Variants in CIMAP2 observed in about 807,000 individuals in gnomAD.
The protein encoded by CIMAP2 is ciliary microtubule associated protein 2, also known as ciliary microtubule-associated protein 2.
At chr1:54,807,603 A>G in the CIMAP2 span, 26 of 1,609,254 alleles carry the variant, frequency 1.6e-5, no homozygotes, top group East Asian at 1.3e-4. Context: ...AGGTGGACAC[A>G]GGCTGGGCCA....
chr1:54,839,696 A>G, the CIMAP2 span, among the ~76,000 whole-genome samples: 1 of 151,318 alleles, frequency 6.6e-6, no homozygotes, highest in African/African-American at 2.4e-5. Flanking sequence ...AACTTATTAT[A>G]GCATAACTCA....
At chr1:54,811,765 G>GCGGGGGGGGGGGCGGGCCCCCC in the CIMAP2 span, 1 of 1,301,332 alleles carries the variant, frequency 7.7e-7, no homozygotes, top group Non-Finnish European at 1.1e-6. Context: ...GGTTCTGACA[G>GCGGGGGGGGGGGCGGGCCCCCC]CCTCCATGCC....
chr1:54,830,789 CG>C, the CIMAP2 span, among the ~76,000 whole-genome samples: 1 of 152,168 alleles, frequency 6.6e-6, no homozygotes, highest in Non-Finnish European at 1.5e-5. This position sits in a 1 kb window ranked among gnomAD's most constrained non-coding sequence, Gnocchi z 4.1. Context: ...CTTTTGGAGT[CG>C]GGGGATTCTT....
the CIMAP2 span, chr1:54,811,766 C>CCGGGGGGGGCG: frequency 2.3e-6 from 3 of 1,305,184 alleles, no homozygotes; most frequent in Non-Finnish European, 3.2e-6. Flanking sequence ...GTTCTGACAG[C>CCGGGGGGGGCG]CTCCATGCCC....
chr1:54,829,110 T>C, the CIMAP2 span, among the ~76,000 whole-genome samples: 1 of 152,242 alleles, frequency 6.6e-6, no homozygotes, highest in African/African-American at 2.4e-5. Flanking sequence ...TTCTTTCATA[T>C]TCTACCTTGT....
chr1:54,830,286 G>A, the CIMAP2 span, among the ~76,000 whole-genome samples: 7 of 152,004 alleles, frequency 4.6e-5, no homozygotes, highest in African/African-American at 1.7e-4. This position sits in a 1 kb window ranked among gnomAD's most constrained non-coding sequence, Gnocchi z 4.1. Flanking sequence ...GCAATGGCGC[G>A]ATCTCAGCTC....
the CIMAP2 span, among the ~76,000 whole-genome samples, chr1:54,836,469 T>C: frequency 6.6e-6 from 1 of 151,756 alleles, no homozygotes; most frequent in African/African-American, 2.4e-5. Context: ...TGCTCTTTGC[T>C]TGGGCTGGAG....
the CIMAP2 span, chr1:54,813,720 G>A: frequency 2.9e-6 from 4 of 1,358,034 alleles, no homozygotes; most frequent in Non-Finnish European, 4.0e-6. Flanking sequence ...AGTAAGTGAT[G>A]CCCCATTGCT....
chr1:54,837,565 C>T, the CIMAP2 span, among the ~76,000 whole-genome samples: 1 of 152,122 alleles, frequency 6.6e-6, no homozygotes, highest in Non-Finnish European at 1.5e-5. Flanking sequence ...GGGTGAGGCG[C>T]CTCTTCTTCA....
chr1:54,806,316 C>A, the CIMAP2 span: 1 of 1,242,516 alleles, frequency 8.0e-7, no homozygotes, highest in Non-Finnish European at 1.1e-6. Context: ...AGGGTGTCCA[C>A]CTACACACAG....
chr1:54,808,101 C>T, the CIMAP2 span: 2 of 1,386,042 alleles, frequency 1.4e-6, no homozygotes, highest in Admixed American at 2.6e-5. Flanking sequence ...TCCATCCAGC[C>T]AGCCAGCCAG....
the CIMAP2 span, among the ~76,000 whole-genome samples, chr1:54,810,866 G>C: frequency 6.6e-6 from 1 of 152,238 alleles, no homozygotes. Flanking sequence ...TGTCCACTCT[G>C]TGCCAGACAC....
the CIMAP2 span, among the ~76,000 whole-genome samples, chr1:54,811,316 C>T: frequency 6.6e-6 from 1 of 152,270 alleles, no homozygotes; most frequent in African/African-American, 2.4e-5. Context: ...AAGCAGGCAA[C>T]TGTCTCAGGT....
At chr1:54,821,886 C>CTTTTTTT in the CIMAP2 span, among the ~76,000 whole-genome samples, 927 of 66,648 alleles carry the variant, frequency 0.014, 53 homozygotes, top group Non-Finnish European at 0.019. Context: ...CCTCTTATTT[C>CTTTTTTT]TTTTTTTTTT....
the CIMAP2 span, among the ~76,000 whole-genome samples, chr1:54,812,766 C>T: frequency 3.6e-3 from 553 of 152,288 alleles, 1 homozygote; most frequent in African/African-American, 0.013. Flanking sequence ...TATGCATTCT[C>T]GCGGTGGGTG....
the CIMAP2 span, among the ~76,000 whole-genome samples, chr1:54,839,660 G>A: frequency 6.6e-6 from 1 of 152,238 alleles, no homozygotes; most frequent in Admixed American, 6.5e-5. Flanking sequence ...TTATAGGCAT[G>A]AGCCACCATG....
At chr1:54,807,196 T>C in the CIMAP2 span, 1 of 1,201,376 alleles carries the variant, frequency 8.3e-7, no homozygotes, top group Admixed American at 1.7e-5. Flanking sequence ...TTCTACCTTC[T>C]TCCAGCACAG....
the CIMAP2 span, chr1:54,816,917 G>C: frequency 1.3e-6 from 2 of 1,572,398 alleles, no homozygotes; most frequent in Non-Finnish European, 1.7e-6. Flanking sequence ...GCGTCCAAGG[G>C]GAGGAGAGGA....
the CIMAP2 span, among the ~76,000 whole-genome samples, chr1:54,820,544 A>G: frequency 1.3e-5 from 2 of 152,030 alleles, no homozygotes; most frequent in African/African-American, 2.4e-5. Flanking sequence ...TTGCATTCCC[A>G]CCAAAAGCAT....
Sources: allele counts gnomAD v4.1 joint callset (sites outside exome capture counted in the v4.1 genomes callset), GRCh38; gene constraint gnomAD v4.1.1; non-coding constraint Gnocchi (gnomAD v3.1); transcripts MANE v1.5; gene names NCBI Gene and HGNC (gene_info 2026-07-23, HGNC 2026-07-21).